SRGAP3: variants seen among roughly 807,000 people sequenced by gnomAD.
SRGAP3 encodes the protein SLIT-ROBO Rho GTPase activating protein 3.
SRGAP3 carries 39 observed loss-of-function variants against 121.1 expected under a neutral mutation model. The observed-to-expected ratio is 0.32, with a 90% confidence interval of 0.25 to 0.42. The LOEUF (loss-of-function observed/expected upper bound fraction) is 0.42, where lower values mean the gene tolerates loss of function less well. SRGAP3 is among the 10% of genes least tolerant of loss of function. The pLI is 1.00. For synonymous variants in SRGAP3, 601 were observed against 570.0 expected, an observed-to-expected ratio of 1.05 and a Z score of -0.77; for missense variants, 1,213 against 1,470.6, an observed-to-expected ratio of 0.82 and a Z score of 2.86.
intron 3 of SRGAP3, among the ~76,000 whole-genome samples, chr3:9,283,142 T>C (rs1227423947): frequency 1.3e-5 from 2 of 151,844 alleles, no homozygotes; most frequent in Non-Finnish European, 2.9e-5. Flanking sequence ...GGTTTCTCCA[T>C]GTTGCCCAGG....
intron 8 of SRGAP3, among the ~76,000 whole-genome samples, chr3:9,055,337 T>C (rs1945769555): frequency 1.3e-5 from 2 of 152,368 alleles, no homozygotes; most frequent in Admixed American, 6.5e-5. Context: ...GACTGCACTT[T>C]AAAGAATAAA....
At chr3:9,066,896 T>C (rs555193199) in intron 4 of SRGAP3, among the ~76,000 whole-genome samples, 1 of 152,212 alleles carries the variant, frequency 6.6e-6, no homozygotes, top group Admixed American at 6.5e-5. Flanking sequence ...ATATTGTAGA[T>C]CATGGAAGGT....
intron 3 of SRGAP3, chr3:9,081,246 C>T: frequency 2.2e-6 from 1 of 456,726 alleles, no homozygotes. Flanking sequence ...TCTGCCTAAT[C>T]TCATCTTACC....
chr3:9,184,173 A>C (rs1951523136), intron 1 of SRGAP3, among the ~76,000 whole-genome samples: 1 of 152,122 alleles, frequency 6.6e-6, no homozygotes, highest in Admixed American at 6.5e-5. Flanking sequence ...CTCCCATTTC[A>C]ATCAATTAAT....
chr3:9,229,818 A>G (rs187138971), intron 1 of SRGAP3, among the ~76,000 whole-genome samples: 1 of 152,210 alleles, frequency 6.6e-6, no homozygotes, highest in Admixed American at 6.5e-5. Context: ...TCGCATTTTT[A>G]GAGTCAATTC....
chr3:8,997,304 C>T (rs775243176), intron 18 of SRGAP3, among the ~76,000 whole-genome samples: 2 of 152,214 alleles, frequency 1.3e-5, no homozygotes, highest in Non-Finnish European at 2.9e-5. Flanking sequence ...CTCTGCACAC[C>T]TCATCCATTA....
chr3:9,284,396 G>A (rs1229730614), intron 3 of SRGAP3, among the ~76,000 whole-genome samples: 2 of 152,236 alleles, frequency 1.3e-5, no homozygotes, highest in Admixed American at 6.5e-5. Context: ...GTGTGGCAAA[G>A]AATACAATGA....
At chr3:9,347,472 G>C (rs115868388) in intron 1 of SRGAP3, among the ~76,000 whole-genome samples, 1 of 152,174 alleles carries the variant, frequency 6.6e-6, no homozygotes, top group East Asian at 1.9e-4. Flanking sequence ...GCAGGGCTAC[G>C]AGGTCTGAGC....
intron 9 of SRGAP3, chr3:9,049,588 G>T: frequency 2.3e-6 from 1 of 434,450 alleles, no homozygotes; most frequent in South Asian, 1.7e-5. Context: ...TAGACTCAGT[G>T]TTTCTCCAAG....
chr3:9,317,974 A>C (rs556117334), intron 3 of SRGAP3, among the ~76,000 whole-genome samples: 1 of 152,316 alleles, frequency 6.6e-6, no homozygotes, highest in East Asian at 1.9e-4. Flanking sequence ...ATGGTTCTTA[A>C]TCTACTGCAC....
chr3:9,136,401 C>G (rs866483086), intron 1 of SRGAP3, among the ~76,000 whole-genome samples: 37 of 127,618 alleles, frequency 2.9e-4, no homozygotes, highest in Non-Finnish European at 5.4e-4. Flanking sequence ...GGGACCCCCC[C>G]CCCCCCCGAC....
intron 1 of SRGAP3, among the ~76,000 whole-genome samples, chr3:9,346,285 C>T (rs1460055744): frequency 1.3e-5 from 2 of 151,946 alleles, no homozygotes; most frequent in Non-Finnish European, 2.9e-5. Context: ...TGCTCTGTCA[C>T]CCAGGCTGGA....
At chr3:9,076,311 T>C (rs549793074) in intron 4 of SRGAP3, among the ~76,000 whole-genome samples, 1 of 152,328 alleles carries the variant, frequency 6.6e-6, no homozygotes, top group East Asian at 1.9e-4. Flanking sequence ...GTCACTTCTC[T>C]GTGCCTCCAT....
chr3:9,056,409 C>T, intron 7 of SRGAP3, 75 bp from the exon 8 acceptor site: 1 of 1,450,002 alleles, frequency 6.9e-7, no homozygotes, highest in East Asian at 2.3e-5. Flanking sequence ...CAGGGGCTAC[C>T]ATTAACATCC....
chr3:9,111,249 T>A (rs957963608), intron 2 of SRGAP3, among the ~76,000 whole-genome samples: 11 of 152,188 alleles, frequency 7.2e-5, no homozygotes, highest in African/African-American at 2.4e-4. Context: ...GAGGGGAGCC[T>A]GTGCCATGAG....
At chr3:9,032,999 G>A (rs762961253) in intron 11 of SRGAP3, among the ~76,000 whole-genome samples, 5 of 152,090 alleles carry the variant, frequency 3.3e-5, no homozygotes, top group Non-Finnish European at 7.4e-5. Flanking sequence ...CTAAATCTTA[G>A]GGGGAATATA....
chr3:9,182,813 C>A (rs1187544739), intron 1 of SRGAP3, among the ~76,000 whole-genome samples: 2 of 151,852 alleles, frequency 1.3e-5, no homozygotes, highest in Non-Finnish European at 2.9e-5. Context: ...GCCACCATGC[C>A]TGGTTAATTT....
intron 3 of SRGAP3, among the ~76,000 whole-genome samples, chr3:9,086,860 T>A (rs1301598591): frequency 7.0e-6 from 1 of 142,974 alleles, no homozygotes; most frequent in East Asian, 2.0e-4. Flanking sequence ...TATACACATA[T>A]GTATATTATG....
intron 9 of SRGAP3, 60 bp downstream of exon 9, chr3:9,052,967 G>A: frequency 3.7e-6 from 6 of 1,606,028 alleles, no homozygotes; most frequent in Non-Finnish European, 5.1e-6. Flanking sequence ...GGTTGCTCCT[G>A]AAAAGTCACT....
Sources: allele counts gnomAD v4.1 joint callset (sites outside exome capture counted in the v4.1 genomes callset), GRCh38; gene constraint gnomAD v4.1.1; transcripts MANE v1.5; gene names NCBI Gene and HGNC (gene_info 2026-07-23, HGNC 2026-07-21).